Variants in NAALADL2 observed in about 807,000 individuals in gnomAD.
NAALADL2 encodes the protein inactive N-acetylated-alpha-linked acidic dipeptidase-like protein 2.
NAALADL2 carries 76 observed loss-of-function variants against 87.2 expected under a neutral mutation model. The ratio of observed to expected loss-of-function variants is 0.87; its 90% CI spans 0.72 to 1.05. The LOEUF is 1.05. Ranked by LOEUF, NAALADL2 falls within the 50% of genes least tolerant of loss-of-function variation. The pLI, the probability that NAALADL2 is intolerant of heterozygous loss-of-function variation, is 0.00. For synonymous variants in NAALADL2, 354 were observed against 331.0 expected, an observed-to-expected ratio of 1.07 and a Z score of -0.75; for missense variants, 1,089 against 945.8, an observed-to-expected ratio of 1.15 and a Z score of -1.99.
intron 2 of NAALADL2, among the ~76,000 whole-genome samples, chr3:175,194,605 T>C (rs1452493778): frequency 6.6e-6 from 1 of 151,826 alleles, no homozygotes; most frequent in African/African-American, 2.4e-5. Context: ...TGAGTTGTTA[T>C]TGGGTCAACT....
At chr3:175,459,923 C>T (rs1366289994) in intron 6 of NAALADL2, 1 of 307,340 alleles carries the variant, frequency 3.3e-6, no homozygotes. Flanking sequence ...TTTTCACTTA[C>T]AGCATATCCA....
At chr3:174,581,966 T>A (rs2108561933) in intron 2 of NAALADL2, among the ~76,000 whole-genome samples, 1 of 152,224 alleles carries the variant, frequency 6.6e-6, no homozygotes, top group Non-Finnish European at 1.5e-5. Context: ...CAATTAATTC[T>A]TTTTTGGCTG....
chr3:175,598,247 C>T (rs1245299672), intron 10 of NAALADL2, among the ~76,000 whole-genome samples: 1 of 151,954 alleles, frequency 6.6e-6, no homozygotes, highest in African/African-American at 2.4e-5. Flanking sequence ...TAGGAAATTA[C>T]ATACAGTAGG....
intron 13 of NAALADL2, among the ~76,000 whole-genome samples, chr3:175,772,552 T>A (rs1583180091): frequency 6.6e-6 from 1 of 152,136 alleles, no homozygotes; most frequent in South Asian, 2.1e-4. Context: ...TTTCACTTTT[T>A]CCAAAATTAG....
intron 3 of NAALADL2, among the ~76,000 whole-genome samples, chr3:174,804,583 G>T (rs1434485728): frequency 6.6e-6 from 1 of 152,110 alleles, no homozygotes; most frequent in Non-Finnish European, 1.5e-5. Context: ...TGCCCATTCA[G>T]TCTGATACTG....
At chr3:174,575,858 T>C (rs1715474495) in intron 2 of NAALADL2, among the ~76,000 whole-genome samples, 1 of 152,040 alleles carries the variant, frequency 6.6e-6, no homozygotes, top group South Asian at 2.1e-4. Flanking sequence ...GTATATATAG[T>C]TTGTTTGTTT....
chr3:174,477,500 G>A (rs981157065), intron 1 of NAALADL2, among the ~76,000 whole-genome samples: 6 of 152,142 alleles, frequency 3.9e-5, no homozygotes, highest in Non-Finnish European at 7.4e-5. Context: ...TGACAACTTA[G>A]AATCACAAAA....
At chr3:175,718,291 G>A (rs570732566) in intron 11 of NAALADL2, 3 of 1,490,328 alleles carry the variant, frequency 2.0e-6, no homozygotes, top group Admixed American at 1.8e-5. Context: ...GACATCGTTA[G>A]GCGCCGAAGC....
At chr3:175,123,656 C>A (rs9882432) in intron 2 of NAALADL2, among the ~76,000 whole-genome samples, 5 of 151,766 alleles carry the variant, frequency 3.3e-5, no homozygotes, top group South Asian at 2.1e-4. Context: ...AAACTGCTGC[C>A]TCTGCCTTAC....
At chr3:174,869,235 A>G (rs866102141) in intron 1 of NAALADL2, among the ~76,000 whole-genome samples, 59 of 152,324 alleles carry the variant, frequency 3.9e-4, no homozygotes, top group Admixed American at 1.7e-3. Context: ...AACTTTAAGA[A>G]GCTTAAAACA....
rs530130835 is a variant in NAALADL2 at position 175,546,508 on chromosome 3, T to G, written c.1654-29533T>G. Among the ~76,000 whole-genome samples, 25 of 152,294 alleles carry G rather than the reference T, an allele frequency of 1.6e-4. No individual in the cohort carries two copies. In the East Asian group the frequency reaches 4.8e-3, roughly 29 times the overall value. On this transcript the variant is annotated intron_variant, in intron 9 of 13. Transcript: ENST00000454872. ...TGGTCTGTGTACTTCCGTGTGTTTT[T>G]GTAGTTTATGGTAACGGTATTTACT...
At chr3:175,131,367 C>T (rs1321253084) in intron 2 of NAALADL2, among the ~76,000 whole-genome samples, 1 of 152,014 alleles carries the variant, frequency 6.6e-6, no homozygotes, top group Non-Finnish European at 1.5e-5. Context: ...AATGAGCATG[C>T]TGCCTTCAAG....
intron 9 of NAALADL2, among the ~76,000 whole-genome samples, chr3:175,492,960 G>A (rs752127016): frequency 6.6e-6 from 1 of 151,812 alleles, no homozygotes; most frequent in Non-Finnish European, 1.5e-5. Context: ...CTGGAAAATA[G>A]GTTCATGATA....
intron 1 of NAALADL2, among the ~76,000 whole-genome samples, chr3:174,874,506 A>C (rs756810970): frequency 6.6e-6 from 1 of 152,106 alleles, no homozygotes; most frequent in Non-Finnish European, 1.5e-5. Flanking sequence ...GTGTGATGTG[A>C]CTGCAGGCAT....
intron 2 of NAALADL2, among the ~76,000 whole-genome samples, chr3:175,184,991 G>A (rs895105388): frequency 1.3e-5 from 2 of 152,030 alleles, no homozygotes; most frequent in African/African-American, 4.8e-5. Context: ...GAGGACTCCT[G>A]TTTCTTTTGC....
chr3:175,058,111 A>G (rs1226547984), intron 1 of NAALADL2, among the ~76,000 whole-genome samples: 1 of 152,206 alleles, frequency 6.6e-6, no homozygotes, highest in Non-Finnish European at 1.5e-5. Context: ...GTAAACTTCT[A>G]TTACGAGAAA....
chr3:174,611,765 A>ATT (rs570868283), intron 2 of NAALADL2, among the ~76,000 whole-genome samples: 4 of 140,786 alleles, frequency 2.8e-5, no homozygotes, highest in African/African-American at 1.0e-4. Context: ...TAATTTTTGT[A>ATT]TTTTTTTTTT....
intron 1 of NAALADL2, among the ~76,000 whole-genome samples, chr3:174,479,453 G>C (rs919454948): frequency 2.0e-5 from 3 of 152,068 alleles, no homozygotes; most frequent in Non-Finnish European, 4.4e-5. Flanking sequence ...TCTCATAAAT[G>C]AGCTTGAAAG....
intron 5 of NAALADL2, among the ~76,000 whole-genome samples, chr3:175,336,250 C>A (rs1257904256): frequency 3.3e-5 from 5 of 152,116 alleles, no homozygotes; most frequent in Admixed American, 1.3e-4. Context: ...CTACAGATTT[C>A]TTTACTACAA....
Sources: allele counts gnomAD v4.1 joint callset (sites outside exome capture counted in the v4.1 genomes callset), GRCh38; gene constraint gnomAD v4.1.1; transcripts MANE v1.5; gene names NCBI Gene and HGNC (gene_info 2026-07-23, HGNC 2026-07-21).